Variants in RALGPS1 observed in about 807,000 individuals in gnomAD.
RALGPS1 encodes the protein ras-specific guanine nucleotide-releasing factor RalGPS1.
Under a neutral mutation model 78.8 loss-of-function variants are expected in RALGPS1, and 19 were observed. The ratio of observed to expected loss-of-function variants is 0.24; its 90% CI spans 0.17 to 0.35. The LOEUF is 0.35. Ranked by LOEUF, RALGPS1 falls within the 10% of genes least tolerant of loss-of-function variation. The probability of loss-of-function intolerance (pLI) is 1.00; values close to 1 mark genes in which losing one functional copy is unlikely to be tolerated. For missense variants in RALGPS1, 454 were observed against 688.3 expected (o/e 0.66, Z 3.81); for synonymous variants, 228 against 256.3 (o/e 0.89, Z 1.06).
chr9:127,075,062 C>G (rs2050559915), intron 8 of RALGPS1, among the ~76,000 whole-genome samples: 1 of 152,222 alleles, frequency 6.6e-6, no homozygotes. Context: ...CCTCTTGCCC[C>G]TCAGAGTTTC....
chr9:126,938,990 CCTT>C (rs2036517365), intron 1 of RALGPS1, among the ~76,000 whole-genome samples: 1 of 152,308 alleles, frequency 6.6e-6, no homozygotes, highest in East Asian at 1.9e-4. Flanking sequence ...GCCTGAATGA[CCTT>C]CTGGGACCTG....
chr9:126,948,384 G>T (rs1016711926), intron 1 of RALGPS1, among the ~76,000 whole-genome samples: 1 of 152,066 alleles, frequency 6.6e-6, no homozygotes, highest in Non-Finnish European at 1.5e-5. Flanking sequence ...GGGCGTGGTG[G>T]TGCATGCCTG....
intron 4 of RALGPS1, among the ~76,000 whole-genome samples, chr9:127,007,247 A>G (rs913696693): frequency 6.6e-6 from 1 of 152,234 alleles, no homozygotes; most frequent in Non-Finnish European, 1.5e-5. Flanking sequence ...TTTTCTGGAA[A>G]ACTTACTTTT....
intron 1 of RALGPS1, among the ~76,000 whole-genome samples, chr9:126,958,954 T>C (rs1459325997): frequency 6.6e-6 from 1 of 152,256 alleles, no homozygotes; most frequent in Non-Finnish European, 1.5e-5. Flanking sequence ...TGTTTTCTTT[T>C]GTTTTTAATT....
intron 4 of RALGPS1, among the ~76,000 whole-genome samples, chr9:127,031,072 G>A (rs10987548): frequency 0.028 from 4,257 of 152,268 alleles, 82 homozygotes; most frequent in Middle Eastern, 0.044. Flanking sequence ...AGGGCTGTGC[G>A]ACAGTCCCTG....
intron 10 of RALGPS1, among the ~76,000 whole-genome samples, chr9:127,173,366 C>G (rs1409601690): frequency 6.6e-6 from 1 of 152,216 alleles, no homozygotes; most frequent in African/African-American, 2.4e-5. Flanking sequence ...AGTGAGACCC[C>G]TCATTGGGCT....
At chr9:126,964,497 T>TG (rs1166124530) in intron 2 of RALGPS1, among the ~76,000 whole-genome samples, 1 of 152,068 alleles carries the variant, frequency 6.6e-6, no homozygotes, top group Non-Finnish European at 1.5e-5. Flanking sequence ...ACTATAGCCC[T>TG]GGGAAGTAGG....
At chr9:127,070,751 T>C (rs1285364186) in intron 8 of RALGPS1, among the ~76,000 whole-genome samples, 1 of 152,126 alleles carries the variant, frequency 6.6e-6, no homozygotes, top group Non-Finnish European at 1.5e-5. Context: ...CAACATTATG[T>C]AGAAGTGACT....
At chr9:127,008,285 C>G (rs559220821) in intron 4 of RALGPS1, among the ~76,000 whole-genome samples, 1 of 152,290 alleles carries the variant, frequency 6.6e-6, no homozygotes, top group East Asian at 1.9e-4. Flanking sequence ...ACTTCTTACT[C>G]AAATAGCTGG....
intron 8 of RALGPS1, among the ~76,000 whole-genome samples, chr9:127,102,088 A>C (rs980077734): frequency 6.6e-6 from 1 of 152,130 alleles, no homozygotes; most frequent in African/African-American, 2.4e-5. Context: ...GATCATCTCC[A>C]GTGTTCCCAT....
intron 2 of RALGPS1, among the ~76,000 whole-genome samples, chr9:126,964,457 A>G (rs960193976): frequency 1.3e-5 from 2 of 151,006 alleles, no homozygotes; most frequent in African/African-American, 2.4e-5. Context: ...TCTGCCAGTT[A>G]TTTTTTAAGC....
intron 4 of RALGPS1, among the ~76,000 whole-genome samples, chr9:126,986,908 C>T (rs575098893): frequency 1.5e-4 from 23 of 152,088 alleles, no homozygotes; most frequent in African/African-American, 3.9e-4. Context: ...GTAAAGTTGG[C>T]GGGGGGTGGA....
intron 8 of RALGPS1, among the ~76,000 whole-genome samples, chr9:127,148,184 G>A (rs535925674): frequency 2.0e-5 from 3 of 152,346 alleles, no homozygotes; most frequent in East Asian, 3.9e-4. Context: ...GAGAAGCTGC[G>A]GTTGCCCAGA....
rs539779618 is a variant in RALGPS1, at chr9:126,958,981, G to A, written c.-65-3244G>A. ...TTTTTAATTATAGCCATCCTGGTAG[G>A]TGTGATGTGGTATCTCATTATGGTT... On this transcript the variant is annotated intron_variant, in intron 1 of 18. Transcript: ENST00000259351. Among the ~76,000 whole-genome samples, 7 of 151,898 alleles carry A rather than the reference G, an allele frequency of 4.6e-5. No individual in the cohort carries two copies. The East Asian group carries it at 9.7e-4, about 21-fold the overall frequency.
chr9:127,182,342 C>T (rs2060287706), intron 11 of RALGPS1, among the ~76,000 whole-genome samples: 1 of 147,632 alleles, frequency 6.8e-6, no homozygotes, highest in African/African-American at 2.5e-5. Context: ...GCCTTCCTTC[C>T]TTCCTTCCTC....
At chr9:127,214,011 G>C (rs1213994827) in intron 17 of RALGPS1, 1 of 152,196 alleles carries the variant, frequency 6.6e-6, no homozygotes, top group East Asian at 1.9e-4. Flanking sequence ...CTCCGTGTCT[G>C]AGTGACTGAA....
intron 8 of RALGPS1, among the ~76,000 whole-genome samples, chr9:127,159,902 T>C (rs2058923828): frequency 6.6e-6 from 1 of 152,186 alleles, no homozygotes; most frequent in Admixed American, 6.5e-5. Context: ...TGGAAAAAAG[T>C]CTTTCATCTC....
Position 127,091,608 on chromosome 9 carries a change from C to A in RALGPS1, c.610+22252C>A. The A allele has an allele frequency of 6.4e-7, 1 of 1,566,302 alleles. No individual in the cohort carries two copies. ...CGTTTCCAAGCCCTGGAGTCAGGGGCTCTGGCTCTGGTTGACCTCTTTTCC... is the reference window on the plus strand; with the variant it reads ...CGTTTCCAAGCCCTGGAGTCAGGGGATCTGGCTCTGGTTGACCTCTTTTCC... On this transcript the variant is annotated intron_variant, in intron 8 of 18. Coordinates refer to ENST00000259351, the MANE Select transcript of RALGPS1 (RefSeq NM_014636.3). This position sits in a 1 kb window ranked among gnomAD's most constrained non-coding sequence, Gnocchi z 4.3.
chr9:127,123,063 C>T (rs1462902737), intron 8 of RALGPS1, among the ~76,000 whole-genome samples: 3 of 152,260 alleles, frequency 2.0e-5, no homozygotes, highest in Non-Finnish European at 2.9e-5. Context: ...CGGGTCCTCC[C>T]CCTGGATGCC....
Sources: allele counts gnomAD v4.1 joint callset (sites outside exome capture counted in the v4.1 genomes callset), GRCh38; gene constraint gnomAD v4.1.1; non-coding constraint Gnocchi (gnomAD v3.1); transcripts MANE v1.5; gene names NCBI Gene and HGNC (gene_info 2026-07-23, HGNC 2026-07-21).